Variants in THSD7B observed in about 807,000 individuals in gnomAD.
The protein encoded by THSD7B is thrombospondin type 1 domain containing 7B.
A neutral mutation model predicts 213.6 loss-of-function variants in THSD7B; 138 were observed. The observed-to-expected ratio is 0.65, with a 90% confidence interval of 0.56 to 0.74. The LOEUF is 0.74. Among genes scored for constraint, THSD7B ranks in the 30% least tolerant of loss-of-function variants. THSD7B has a pLI of 0.00. For missense variants in THSD7B, 1,931 were observed against 1,991.5 expected, an observed-to-expected ratio of 0.97 and a Z score of 0.58; for synonymous variants, 742 against 687.0, an observed-to-expected ratio of 1.08 and a Z score of -1.25.
intron 2 of THSD7B, among the ~76,000 whole-genome samples, chr2:137,015,408 G>A (rs538820966): frequency 2.8e-4 from 43 of 152,162 alleles, no homozygotes; most frequent in African/African-American, 8.9e-4. Flanking sequence ...AATCTCTCAC[G>A]TGTCCTCAGG....
chr2:137,190,244 A>G (rs1328683565), intron 7 of THSD7B, among the ~76,000 whole-genome samples: 2 of 152,222 alleles, frequency 1.3e-5, no homozygotes, highest in African/African-American at 2.4e-5. Context: ...AATGAAGACT[A>G]CATGAGACAA....
At chr2:137,649,325 C>T (rs1289789433) in intron 21 of THSD7B, among the ~76,000 whole-genome samples, 1 of 151,990 alleles carries the variant, frequency 6.6e-6, no homozygotes, top group African/African-American at 2.4e-5. Flanking sequence ...TGATATCTGA[C>T]ACAAAAGAAA....
At position 136,981,307 on chromosome 2, in the gene THSD7B, C is replaced by T. The variant is rs543595121; in HGVS notation, c.140-75113C>T. ...AGTTTTATCCACCCAGTACAGTGTG[C>T]TGAGATGATTAAAGAGAGCAGAATA... On this transcript the variant is annotated intron_variant, in intron 2 of 27. Coordinates refer to ENST00000409968, the MANE Select transcript of THSD7B (RefSeq NM_001316349.2). 7.2e-5 allele frequency among the ~76,000 whole-genome samples: 11 copies of T among 152,180 alleles called. No homozygotes were observed. In the East Asian group the frequency reaches 2.1e-3, roughly 29 times the overall value.
chr2:137,485,499 A>G (rs1443867514), intron 15 of THSD7B, among the ~76,000 whole-genome samples: 2 of 152,188 alleles, frequency 1.3e-5, no homozygotes, highest in Non-Finnish European at 2.9e-5. Flanking sequence ...TGACTTGGCG[A>G]TGCGGGCCAA....
chr2:136,867,875 T>C (rs1166195012), intron 1 of THSD7B, among the ~76,000 whole-genome samples: 4 of 152,254 alleles, frequency 2.6e-5, no homozygotes, highest in Admixed American at 2.6e-4. Flanking sequence ...AGAAAGTATT[T>C]GTGTGTACAC....
chr2:137,392,438 G>A (rs955665039), intron 12 of THSD7B, among the ~76,000 whole-genome samples: 1 of 152,004 alleles, frequency 6.6e-6, no homozygotes, highest in Non-Finnish European at 1.5e-5. Context: ...CCGGTGTTGG[G>A]TACATATATA....
At chr2:137,673,543 G>A (rs916513126) in intron 27 of THSD7B, among the ~76,000 whole-genome samples, 1 of 152,160 alleles carries the variant, frequency 6.6e-6, no homozygotes, top group African/African-American at 2.4e-5. Context: ...CAGAGTGGAG[G>A]AGGAAAAAAT....
chr2:137,351,911 G>A (rs1685021125), intron 12 of THSD7B, among the ~76,000 whole-genome samples: 1 of 151,812 alleles, frequency 6.6e-6, no homozygotes, highest in East Asian at 1.9e-4. Context: ...CTTTGAATGT[G>A]GCCTAGCAAA....
intron 7 of THSD7B, among the ~76,000 whole-genome samples, chr2:137,191,009 C>A (rs977498600): frequency 6.6e-6 from 1 of 152,168 alleles, no homozygotes; most frequent in East Asian, 1.9e-4. Flanking sequence ...TGCTGACAGG[C>A]GATCACCCAA....
chr2:136,939,878 G>T (rs1035240937), intron 2 of THSD7B, among the ~76,000 whole-genome samples: 6 of 151,802 alleles, frequency 4.0e-5, no homozygotes, highest in South Asian at 2.1e-4. Context: ...ACCACCCCCC[G>T]ACACACACCA....
At chr2:137,562,373 T>C (rs905024575) in intron 15 of THSD7B, among the ~76,000 whole-genome samples, 1 of 152,026 alleles carries the variant, frequency 6.6e-6, no homozygotes, top group African/African-American at 2.4e-5. Flanking sequence ...CTGTTCCTCA[T>C]ATAAAGGAGC....
At chr2:137,376,258 T>G (rs1685652173) in intron 12 of THSD7B, among the ~76,000 whole-genome samples, 1 of 152,212 alleles carries the variant, frequency 6.6e-6, no homozygotes, top group Non-Finnish European at 1.5e-5. Flanking sequence ...ATAGCCTATT[T>G]CATGGCAGAT....
intron 1 of THSD7B, among the ~76,000 whole-genome samples, chr2:136,810,052 G>A (rs529180007): frequency 4.6e-5 from 7 of 152,250 alleles, no homozygotes; most frequent in East Asian, 1.9e-4. Context: ...TAAAGGTAGG[G>A]GGTATGCTGG....
chr2:137,639,034 T>A (rs1682887872), intron 20 of THSD7B, among the ~76,000 whole-genome samples: 1 of 150,274 alleles, frequency 6.7e-6, no homozygotes, highest in African/African-American at 2.5e-5. Context: ...TGAGGAGAAA[T>A]TCAAGCCAGC....
At chr2:136,950,979 G>A (rs189017212) in intron 2 of THSD7B, among the ~76,000 whole-genome samples, 168 of 152,254 alleles carry the variant, frequency 1.1e-3, no homozygotes, top group Non-Finnish European at 2.1e-3. Context: ...AGACTCCCAC[G>A]TTTGGTGGCT....
At chr2:137,082,922 C>T (rs1345260859) in intron 3 of THSD7B, among the ~76,000 whole-genome samples, 1 of 152,098 alleles carries the variant, frequency 6.6e-6, no homozygotes, top group Non-Finnish European at 1.5e-5. Context: ...CTCAAGGATA[C>T]TCCTCAGGAA....
At chr2:137,160,400 C>T in intron 6 of THSD7B, 32 bp downstream of exon 6, 2 of 1,606,198 alleles carry the variant, frequency 1.2e-6, no homozygotes, top group African/African-American at 1.3e-5. Context: ...GCTTCATTTG[C>T]TGTCAGCGTA....
chr2:136,955,190 A>G (rs948727177), intron 2 of THSD7B, among the ~76,000 whole-genome samples: 4 of 152,182 alleles, frequency 2.6e-5, no homozygotes, highest in African/African-American at 7.2e-5. Flanking sequence ...AAAGACAGCA[A>G]TATAATTGTG....
intron 27 of THSD7B, among the ~76,000 whole-genome samples, chr2:137,675,537 G>A (rs1683680929): frequency 6.6e-6 from 1 of 151,126 alleles, no homozygotes; most frequent in Non-Finnish European, 1.5e-5. Flanking sequence ...AGTGACCTAA[G>A]GGAAGGTAAA....
Sources: gnomAD v4.1 joint callset for allele counts (sites outside exome capture counted in the v4.1 genomes callset) on GRCh38, gnomAD v4.1.1 for gene constraint, MANE v1.5 for transcripts, NCBI Gene and HGNC (gene_info 2026-07-23, HGNC 2026-07-21) for gene names.